The following BCAS4 variants were observed in gnomAD, a reference collection of about 807,000 sequenced individuals.
BCAS4 encodes the protein breast carcinoma amplified sequence 4.
BCAS4 carries 9 observed loss-of-function variants against 15.7 expected under a neutral mutation model. The observed-to-expected ratio is 0.57, with a 90% CI of 0.34 to 1.00. BCAS4 has a LOEUF of 1.00. Among genes scored for constraint, BCAS4 ranks in the 50% least tolerant of loss-of-function variants. BCAS4 has a pLI of 0.02. For synonymous variants in BCAS4, 101 were observed against 99.5 expected, an observed-to-expected ratio of 1.02 and a Z score of -0.09; for missense variants, 225 against 239.1, an observed-to-expected ratio of 0.94 and a Z score of 0.39.
chr20:50,823,356 A>G (rs1052955266), intron 2 of BCAS4, among the ~76,000 whole-genome samples: 2 of 152,188 alleles, frequency 1.3e-5, no homozygotes, highest in Non-Finnish European at 2.9e-5. Context: ...CCAAAAAAAA[A>G]AGAAGGCTTA....
chr20:50,868,530 C>T (rs923060071), intron 4 of BCAS4, among the ~76,000 whole-genome samples: 4 of 152,204 alleles, frequency 2.6e-5, no homozygotes, highest in African/African-American at 9.7e-5. Flanking sequence ...TCAAGCGATC[C>T]TCTCACCTCG....
At chr20:50,808,062 C>T (rs1297356587) in intron 1 of BCAS4, among the ~76,000 whole-genome samples, 1 of 152,096 alleles carries the variant, frequency 6.6e-6, no homozygotes, top group African/African-American at 2.4e-5. Context: ...CGCCCGCCAC[C>T]ATGCCCGGCT....
intron 2 of BCAS4, among the ~76,000 whole-genome samples, chr20:50,822,847 G>A (rs1454045349): frequency 2.0e-5 from 3 of 150,864 alleles, no homozygotes; most frequent in East Asian, 2.0e-4. Context: ...GGCTGGTCTC[G>A]AACTCCTGAC....
rs1442180683 is a variant in BCAS4, at chr20:50,876,828, G to T, written c.*220G>T. 1 of 429,832 alleles carries T rather than the reference G, an allele frequency of 2.3e-6. No individual in the cohort carries two copies. Among genetic ancestry groups the T allele is most frequent in the Non-Finnish European group, 3.7e-6 (1 of 269,034 alleles). 26.6% of individuals were successfully genotyped at this position (429,832 alleles called of 1,614,324 possible). A position where few individuals can be genotyped will look rare whatever the true frequency, so the allele number is the denominator to read the frequency against. ...CAAAGTGGTGGGATTATGGGCAGGA[G>T]CCTCCGTGCCCAGGCTGCTGCCATT... On this transcript the variant is annotated 3_prime_UTR_variant, in exon 5 of 5. Transcript: ENST00000371608.
intron 3 of BCAS4, chr20:50,832,960 A>C (rs968722342): frequency 6.6e-6 from 1 of 152,222 alleles, no homozygotes; most frequent in African/African-American, 2.4e-5. Context: ...CTAGGACATG[A>C]ACATCTTTGG....
In BCAS4 at chr20:50,830,383, A is replaced by G. The variant is rs764387199; in HGVS notation, c.264+3A>G. 1 of 1,608,234 alleles carries G rather than the reference A, an allele frequency of 6.2e-7. No individual in the cohort carries two copies. Among genetic ancestry groups the G allele is most frequent in the Non-Finnish European group, 8.5e-7 (1 of 1,177,750 alleles). On this transcript the variant is annotated splice_donor_region_variant and intron_variant, in intron 3 of 4. Coordinates refer to ENST00000371608, the MANE Select transcript of BCAS4 (RefSeq NM_198799.4). The stretch of plus-strand genomic sequence containing the variant: ...ATGCCAAAGTGGACCGGCTAGAGGT[A>G]CGTCTAGGCAAACGAAGGTTCTGAG...
At chr20:50,803,247 G>A (rs1432404822) in intron 1 of BCAS4, among the ~76,000 whole-genome samples, 2 of 152,232 alleles carry the variant, frequency 1.3e-5, no homozygotes, top group African/African-American at 2.4e-5. Flanking sequence ...CAGTGCCATA[G>A]CGATTCTTCT....
chr20:50,863,829 C>T (rs1979218117), intron 4 of BCAS4, among the ~76,000 whole-genome samples: 1 of 152,152 alleles, frequency 6.6e-6, no homozygotes, highest in African/African-American at 2.4e-5. Context: ...CTGAACCCAG[C>T]GAGGCCACTG....
At chr20:50,828,837 A>C (rs529434016) in intron 2 of BCAS4, among the ~76,000 whole-genome samples, 2 of 152,282 alleles carry the variant, frequency 1.3e-5, no homozygotes, top group South Asian at 4.1e-4. Context: ...AGGGGATTAC[A>C]TGAGGGTGAG....
Position 50,818,266 on chromosome 20 carries a change from G to A in BCAS4, c.146G>A (p.Cys49Tyr). Residue 49 changes from cysteine to tyrosine, a missense_variant, in exon 2 of 5, where the codon TGC becomes TAC. Coordinates refer to ENST00000371608, the MANE Select transcript of BCAS4 (RefSeq NM_198799.4). Reference protein sequence around the residue: ...EGMLLRLEEFCSLADLIRSDT... With the variant: ...EGMLLRLEEFYSLADLIRSDT... ...ATGCTCCTCAGGCTGGAAGAGTTTT[G>A]CAGCCTGGCTGACCTGGTGAGTGGC... is the stretch of plus-strand genomic sequence containing the variant. The A allele has an allele frequency of 6.2e-7, 1 of 1,613,734 alleles. No individual in the cohort carries two copies.
In BCAS4 at chr20:50,830,093, C is replaced by G. The variant is rs116830055; in HGVS notation, c.163-186C>G. ...ACATAATACCTGGGTAGGTCTGGGT[C>G]CACAGAGGCGACGATGTTGGTCCTC... On this transcript the variant is annotated intron_variant, in intron 2 of 4. Coordinates refer to ENST00000371608, the MANE Select transcript of BCAS4 (RefSeq NM_198799.4). 5.8e-3 allele frequency among the ~76,000 whole-genome samples: 877 copies of G among 152,214 alleles called. 9 individuals are homozygous for G. The highest frequency in any genetic ancestry group is 0.02 in the African/African-American group (846 of 41,516).
intron 3 of BCAS4, among the ~76,000 whole-genome samples, chr20:50,833,670 C>T (rs1432610451): frequency 2.0e-5 from 3 of 152,230 alleles, no homozygotes; most frequent in Admixed American, 1.3e-4. Context: ...AATTCTGAGC[C>T]TCATTTCCCT....
intron 2 of BCAS4, among the ~76,000 whole-genome samples, chr20:50,824,561 C>G (rs1460128378): frequency 1.3e-5 from 2 of 152,182 alleles, no homozygotes; most frequent in African/African-American, 4.8e-5. Context: ...CTTCTCAGAG[C>G]GTAGCCCAAG....
intron 4 of BCAS4, among the ~76,000 whole-genome samples, chr20:50,861,205 C>G (rs190036408): frequency 1.3e-5 from 2 of 152,144 alleles, no homozygotes; most frequent in Non-Finnish European, 2.9e-5. Context: ...GTCTCCTGTG[C>G]GGCAGATGCT....
chr20:50,823,256 C>T (rs1157331888), intron 2 of BCAS4, among the ~76,000 whole-genome samples: 1 of 152,028 alleles, frequency 6.6e-6, no homozygotes, highest in Non-Finnish European at 1.5e-5. Flanking sequence ...AGGAGAATCA[C>T]TTGAACCCGG....
At chr20:50,813,135 G>A (rs765127768) in intron 1 of BCAS4, among the ~76,000 whole-genome samples, 15 of 152,084 alleles carry the variant, frequency 9.9e-5, no homozygotes, top group Non-Finnish European at 1.5e-4. Context: ...CATTTCTTTC[G>A]GGTATATTGC....
intron 4 of BCAS4, among the ~76,000 whole-genome samples, chr20:50,875,713 T>C (rs1600911135): frequency 6.8e-6 from 1 of 147,282 alleles, no homozygotes. Flanking sequence ...ACCCAGGAGG[T>C]GAATGTTGCA....
chr20:50,859,148 GCC>G (rs1978933677), intron 4 of BCAS4, among the ~76,000 whole-genome samples: 2 of 152,056 alleles, frequency 1.3e-5, no homozygotes, highest in African/African-American at 4.8e-5. Flanking sequence ...TTGCTATGTT[GCC>G]CAGGCTGGTC....
chr20:50,815,409 C>G (rs533881779), intron 1 of BCAS4, among the ~76,000 whole-genome samples: 1 of 152,198 alleles, frequency 6.6e-6, no homozygotes, highest in Non-Finnish European at 1.5e-5. Flanking sequence ...CTCCATCACC[C>G]GCTGTGCCCC....
Sources: allele counts gnomAD v4.1 joint callset (sites outside exome capture counted in the v4.1 genomes callset), GRCh38; gene constraint gnomAD v4.1.1; transcripts MANE v1.5; gene names NCBI Gene and HGNC (gene_info 2026-07-23, HGNC 2026-07-21).